Variants in PARD3 observed in about 807,000 individuals in gnomAD.
PARD3 encodes partitioning defective 3 homolog.
PARD3 carries 75 observed loss-of-function variants against 155.4 expected under a neutral mutation model. That is an observed-to-expected ratio of 0.48 (90% CI 0.40 to 0.58). PARD3 has a LOEUF of 0.58. Ranked by LOEUF, PARD3 falls within the 20% of genes least tolerant of loss-of-function variation. PARD3 has a pLI of 0.00. For synonymous variants in PARD3, 576 were observed against 610.5 expected, an observed-to-expected ratio of 0.94 and a Z score of 0.83; for missense variants, 1,642 against 1,721.7, an observed-to-expected ratio of 0.95 and a Z score of 0.82.
At chr10:34,498,813 T>C (rs960979287) in intron 3 of PARD3, among the ~76,000 whole-genome samples, 1 of 152,100 alleles carries the variant, frequency 6.6e-6, no homozygotes, top group African/African-American at 2.4e-5. Context: ...TTAAAAAGCC[T>C]ACATTAATAC....
chr10:34,213,876 T>C (rs776065142), intron 22 of PARD3, among the ~76,000 whole-genome samples: 9 of 152,148 alleles, frequency 5.9e-5, no homozygotes, highest in Non-Finnish European at 1.2e-4. Flanking sequence ...GGGTATCTTT[T>C]TATATTAATT....
intron 2 of PARD3, among the ~76,000 whole-genome samples, chr10:34,566,346 A>T (rs1370599885): frequency 6.6e-6 from 1 of 152,196 alleles, no homozygotes; most frequent in African/African-American, 2.4e-5. Flanking sequence ...ACAGCAAAAC[A>T]CAGATTTTGA....
chr10:34,269,580 T>C (rs1955511382), intron 22 of PARD3, 77 bp downstream of exon 22: 1 of 1,504,636 alleles, frequency 6.6e-7, no homozygotes, highest in East Asian at 2.3e-5. Flanking sequence ...TGAGGATTGA[T>C]GAATGGTCTA....
At chr10:34,441,260 TAA>T (rs1188577208) in intron 5 of PARD3, among the ~76,000 whole-genome samples, 2 of 152,140 alleles carry the variant, frequency 1.3e-5, no homozygotes, top group Non-Finnish European at 2.9e-5. Flanking sequence ...TAATGTTACC[TAA>T]AAAGATATGA....
chr10:34,273,805 A>G (rs979752181), intron 21 of PARD3, among the ~76,000 whole-genome samples: 1 of 152,172 alleles, frequency 6.6e-6, no homozygotes, highest in Admixed American at 6.5e-5. Context: ...TCTTGTATCT[A>G]GTGTATCACC....
At chr10:34,450,031 G>A (rs1014480551) in intron 5 of PARD3, among the ~76,000 whole-genome samples, 1 of 152,158 alleles carries the variant, frequency 6.6e-6, no homozygotes, top group Admixed American at 6.5e-5. Context: ...ATGATTCACT[G>A]CCAAACATCT....
Position 34,110,852 on chromosome 10 carries a change from G to T in PARD3, c.*317C>A, listed in dbSNP as rs1436134435. The T allele has an allele frequency of 4.7e-6, 1 of 212,194 alleles. No individual in the cohort carries two copies. Among genetic ancestry groups the T allele is most frequent in the Non-Finnish European group, 9.4e-6 (1 of 106,900 alleles). 13.1% of individuals were successfully genotyped at this position (212,194 alleles called of 1,614,324 possible). A position where few individuals can be genotyped will look rare whatever the true frequency, so the allele number is the denominator to read the frequency against. On this transcript the variant is annotated 3_prime_UTR_variant, in exon 25 of 25. Transcript: ENST00000374788. ...AATTTGTCACTGCAAGTGGTGCAGGGATGTTACAACCAAGCCGCGGACAAC... is the reference window on the plus strand; with the variant it reads ...AATTTGTCACTGCAAGTGGTGCAGGTATGTTACAACCAAGCCGCGGACAAC...
At chr10:34,295,081 A>C (rs1259179384) in intron 20 of PARD3, among the ~76,000 whole-genome samples, 1 of 151,908 alleles carries the variant, frequency 6.6e-6, no homozygotes, top group East Asian at 1.9e-4. Flanking sequence ...AATGATGGCG[A>C]GCCACCAAAA....
intron 3 of PARD3, among the ~76,000 whole-genome samples, chr10:34,496,428 A>G (rs2080293788): frequency 6.6e-6 from 1 of 152,168 alleles, no homozygotes; most frequent in Non-Finnish European, 1.5e-5. Context: ...GGTAATAATT[A>G]CCAGGGGCTG....
intron 20 of PARD3, among the ~76,000 whole-genome samples, chr10:34,306,543 G>A (rs962013716): frequency 6.6e-6 from 1 of 151,848 alleles, no homozygotes; most frequent in Non-Finnish European, 1.5e-5. Flanking sequence ...CAGCTACTCG[G>A]GAGGCTGAGG....
intron 1 of PARD3, among the ~76,000 whole-genome samples, chr10:34,714,942 T>G (rs924642456): frequency 2.6e-5 from 4 of 151,660 alleles, no homozygotes; most frequent in African/African-American, 9.7e-5. Context: ...AGCCAGCTAA[T>G]TTTGTATTTT....
chr10:34,486,501 G>T (rs1346742856), intron 3 of PARD3, among the ~76,000 whole-genome samples: 1 of 152,222 alleles, frequency 6.6e-6, no homozygotes, highest in African/African-American at 2.4e-5. Context: ...GCAAAAGCCA[G>T]ACACTGAAAT....
At chr10:34,727,590 C>CA (rs2094738034) in intron 1 of PARD3, among the ~76,000 whole-genome samples, 1 of 151,144 alleles carries the variant, frequency 6.6e-6, no homozygotes, top group African/African-American at 2.4e-5. Flanking sequence ...TGAACGACAA[C>CA]AACAAAAAAA....
intron 4 of PARD3, among the ~76,000 whole-genome samples, chr10:34,453,843 G>C (rs1260538515): frequency 6.6e-6 from 1 of 152,180 alleles, no homozygotes; most frequent in East Asian, 1.9e-4. Context: ...CAGACTAAGA[G>C]AAAGAATGGC....
At chr10:34,523,238 A>C (rs1261488525) in intron 2 of PARD3, among the ~76,000 whole-genome samples, 2 of 152,148 alleles carry the variant, frequency 1.3e-5, no homozygotes, top group African/African-American at 4.8e-5. Context: ...GTGAAATCTC[A>C]AAGACCTCTA....
intron 5 of PARD3, among the ~76,000 whole-genome samples, chr10:34,449,933 A>T (rs910316954): frequency 1.3e-5 from 2 of 152,248 alleles, no homozygotes; most frequent in African/African-American, 4.8e-5. Flanking sequence ...GTTAGGTACA[A>T]CAGAAAGTTT....
At chr10:34,227,419 T>G (rs1952653816) in intron 22 of PARD3, among the ~76,000 whole-genome samples, 1 of 152,130 alleles carries the variant, frequency 6.6e-6, no homozygotes, top group South Asian at 2.1e-4. Context: ...GTGGATCACC[T>G]GAGGTCAGGA....
intron 22 of PARD3, among the ~76,000 whole-genome samples, chr10:34,202,408 G>A (rs933120739): frequency 7.9e-5 from 12 of 152,240 alleles, no homozygotes; most frequent in Non-Finnish European, 1.5e-4. Context: ...TATTCATTAC[G>A]TATACTTTCA....
intron 3 of PARD3, among the ~76,000 whole-genome samples, chr10:34,478,606 C>T (rs1187741236): frequency 6.6e-6 from 1 of 152,108 alleles, no homozygotes; most frequent in Non-Finnish European, 1.5e-5. Context: ...TGTAATGGTG[C>T]GATCTCGGCT....
Sources: allele counts gnomAD v4.1 joint callset (sites outside exome capture counted in the v4.1 genomes callset), GRCh38; gene constraint gnomAD v4.1.1; transcripts MANE v1.5; gene names NCBI Gene and HGNC (gene_info 2026-07-23, HGNC 2026-07-21).